PVT1: variants seen among roughly 807,000 people sequenced by gnomAD.
PVT1 encodes the protein Pvt1 oncogene.
At chr8:127,857,550 T>C (rs1466143178) in intron 2 of PVT1, among the ~76,000 whole-genome samples, 1 of 152,168 alleles carries the variant, frequency 6.6e-6, no homozygotes, top group South Asian at 2.1e-4. Context: ...TGTGTGCCTA[T>C]AGTCCCAGCT....
At chr8:127,897,945 GGGAAGGAA>G (rs1198387038) in intron 3 of PVT1, among the ~76,000 whole-genome samples, 3 of 130,682 alleles carry the variant, frequency 2.3e-5, no homozygotes, top group African/African-American at 8.8e-5. Context: ...AGAAAGAAAA[GGGAAGGAA>G]GGAAGGAAAG....
At position 127,996,481 on chromosome 8, in the gene PVT1, T is replaced by C. The variant is rs79240970; in HGVS notation, n.912+7190T>C. 434 of 151,900 alleles carry C rather than the reference T, an allele frequency of 2.9e-3. 4 individuals carry two copies. The highest frequency in any genetic ancestry group is 0.024 in the Middle Eastern group (7 of 292). The allele number at this position is 151,900 out of a possible 1,614,324, so 9.4% of individuals were successfully genotyped here. A position where few individuals can be genotyped will look rare whatever the true frequency, so the allele number is the denominator to read the frequency against. ...TTCCTCCAAAAATGAAACCTTGAAA[T>C]GAGGACATTGTCCTGTCCACGGACT... On this transcript the variant is annotated intron_variant and non_coding_transcript_variant, in intron 4 of 10. Transcript: ENST00000651587.
intron 3 of PVT1, among the ~76,000 whole-genome samples, chr8:127,928,816 A>G (rs1816164209): frequency 6.6e-6 from 1 of 152,198 alleles, no homozygotes; most frequent in Admixed American, 6.5e-5. Context: ...CAGCCCTCCA[A>G]ATACAGCAGG....
At chr8:127,955,200 C>T (rs188715162) in intron 3 of PVT1, among the ~76,000 whole-genome samples, 185 of 152,278 alleles carry the variant, frequency 1.2e-3, no homozygotes, top group Non-Finnish European at 2.1e-3. Flanking sequence ...CACCAGGATG[C>T]GCACACACAG....
chr8:127,916,657 G>A (rs1230916427), intron 3 of PVT1, among the ~76,000 whole-genome samples: 1 of 152,138 alleles, frequency 6.6e-6, no homozygotes, highest in Non-Finnish European at 1.5e-5. Flanking sequence ...CAAATGCTCA[G>A]CTTTGTCCTC....
At chr8:128,084,439 T>G (rs1814231551) in intron 5 of PVT1, among the ~76,000 whole-genome samples, 2 of 152,178 alleles carry the variant, frequency 1.3e-5, no homozygotes, top group Non-Finnish European at 2.9e-5. Flanking sequence ...TTCTGACCAC[T>G]CCCTCTAAAA....
chr8:127,952,828 G>A lies in PVT1; in HGVS notation n.783-36334G>A, dbSNP rs542103869. 5.3e-5 allele frequency among the ~76,000 whole-genome samples: 8 copies of A among 151,430 alleles called. No individual in the cohort carries two copies. In the South Asian group the frequency reaches 6.3e-4, roughly 12 times the overall value. On this transcript the variant is annotated intron_variant and non_coding_transcript_variant, in intron 3 of 10. Transcript: ENST00000651587. ...GGCCCAGGCTGGAGTGCAAAGGCGC[G>A]ATCTCAGCTCACTGCAACCTCCACC...
At position 128,057,100 on chromosome 8, in the gene PVT1, C is replaced by G. The variant is rs186067799; in HGVS notation, n.913-13060C>G. On this transcript the variant is annotated intron_variant and non_coding_transcript_variant, in intron 4 of 10. Coordinates refer to ENST00000651587, the Ensembl canonical transcript of PVT1. The stretch of plus-strand genomic sequence containing the variant: ...TTTAGCTGTGAGATAACCAGACCAC[C>G]CTGAGCTTCCCTCCCATTCACAGTG... Among the ~76,000 whole-genome samples, 276 of 152,272 alleles carry G rather than the reference C, an allele frequency of 1.8e-3. 2 individuals are homozygous for G. The highest frequency in any genetic ancestry group is 0.014 in the Middle Eastern group (4 of 294).
intron 2 of PVT1, among the ~76,000 whole-genome samples, chr8:127,797,996 A>G (rs1176233996): frequency 6.6e-6 from 1 of 152,110 alleles, no homozygotes; most frequent in Non-Finnish European, 1.5e-5. Context: ...AAGTTAGAGG[A>G]TAATGAGGTT....
chr8:127,978,065 C>A (rs1362425663), intron 3 of PVT1, among the ~76,000 whole-genome samples: 1 of 152,194 alleles, frequency 6.6e-6, no homozygotes, highest in Non-Finnish European at 1.5e-5. Context: ...TCTTCTCTTG[C>A]ATGCTTACTT....
At chr8:128,072,918 C>T (rs1013510122) in intron 5 of PVT1, among the ~76,000 whole-genome samples, 2 of 152,098 alleles carry the variant, frequency 1.3e-5, no homozygotes, top group African/African-American at 4.8e-5. Context: ...ACTGCAACCT[C>T]CACCTCCTGG....
intron 2 of PVT1, among the ~76,000 whole-genome samples, chr8:127,865,513 A>C (rs1340860458): frequency 1.3e-5 from 2 of 152,192 alleles, no homozygotes; most frequent in East Asian, 3.8e-4. Flanking sequence ...AGAGAGGCAG[A>C]AGAAGGGTTC....
chr8:127,966,934 C>T (rs1816709113), intron 3 of PVT1, among the ~76,000 whole-genome samples: 2 of 152,172 alleles, frequency 1.3e-5, no homozygotes, highest in South Asian at 2.1e-4. Context: ...CCCCCTGTCA[C>T]GGGTATCCCA....
rs559646471 is a variant in PVT1, at chr8:127,810,434, G to A, written n.372+14363G>A. Among the ~76,000 whole-genome samples the A allele has an allele frequency of 7.3e-4, 111 of 152,308 alleles. 2 individuals are homozygous for A. The South Asian group carries it at 0.021, about 28-fold the overall frequency. On this transcript the variant is annotated intron_variant and non_coding_transcript_variant, in intron 2 of 10. Transcript: ENST00000651587. The stretch of plus-strand genomic sequence containing the variant: ...CATTATTAGCTTGAGTGCCTGGTGC[G>A]TCAGAGGCTCTCAGTGAGCGTGTAT...
intron 4 of PVT1, among the ~76,000 whole-genome samples, chr8:128,046,582 T>C (rs1813615640): frequency 1.3e-5 from 2 of 152,324 alleles, no homozygotes; most frequent in Admixed American, 1.3e-4. Context: ...ATTCTGTTGC[T>C]CTGGAGCCTA....
intron 2 of PVT1, among the ~76,000 whole-genome samples, chr8:127,836,212 C>A (rs768674084): frequency 6.6e-6 from 1 of 152,170 alleles, no homozygotes. Context: ...GACTCCTCCC[C>A]TAGAGAAAAG....
chr8:127,884,388 A>G (rs1173712826), intron 2 of PVT1, among the ~76,000 whole-genome samples: 1 of 152,192 alleles, frequency 6.6e-6, no homozygotes, highest in Non-Finnish European at 1.5e-5. Flanking sequence ...GCATTTGAGT[A>G]GTTTCCAGTG....
intron 4 of PVT1, among the ~76,000 whole-genome samples, chr8:128,044,694 A>G (rs1271201177): frequency 6.6e-6 from 1 of 152,238 alleles, no homozygotes; most frequent in African/African-American, 2.4e-5. Context: ...AGGAGATAGC[A>G]AGGATTTGAG....
intron 3 of PVT1, among the ~76,000 whole-genome samples, chr8:127,911,529 G>A (rs1038343752): frequency 6.6e-6 from 1 of 152,236 alleles, no homozygotes; most frequent in Non-Finnish European, 1.5e-5. Context: ...GGAGGTCTCC[G>A]GAGGAGATGG....
Sources: gnomAD v4.1 joint callset for allele counts (sites outside exome capture counted in the v4.1 genomes callset) on GRCh38, gnomAD v4.1.1 for gene constraint, MANE v1.5 for transcripts, NCBI Gene and HGNC (gene_info 2026-07-23, HGNC 2026-07-21) for gene names.